Variants in GABRG3 observed in about 807,000 individuals in gnomAD.
GABRG3 encodes gamma-aminobutyric acid receptor subunit gamma-3.
GABRG3 carries 25 observed loss-of-function variants against 48.8 expected under a neutral mutation model. The observed-to-expected ratio is 0.51, with a 90% CI of 0.37 to 0.72. The LOEUF is 0.72. GABRG3 is among the 30% of genes least tolerant of loss of function. The pLI is 0.00. For synonymous variants in GABRG3, 227 were observed against 217.6 expected (o/e 1.04, Z -0.38); for missense variants, 394 against 577.9 (o/e 0.68, Z 3.26).
At chr15:27,279,849 G>A (rs563480882) in intron 3 of GABRG3, among the ~76,000 whole-genome samples, 29 of 152,260 alleles carry the variant, frequency 1.9e-4, no homozygotes, top group African/African-American at 6.3e-4. Flanking sequence ...GATTAGAGCA[G>A]TGACATCTGA....
rs919706892 is a variant in GABRG3 at position 27,180,963 on chromosome 15, G to A, written c.271-145846G>A. Among the ~76,000 whole-genome samples the A allele has an allele frequency of 1.3e-5, 2 of 152,182 alleles. No individual in the cohort carries two copies. The highest frequency in any genetic ancestry group is 4.8e-5 in the African/African-American group (2 of 41,450). ...CTCGCTTTGGGTGTTACGTTCAGCTGCTGAATTGTGCTGACTTCTTAGGAG... is the reference window on the plus strand; with the variant it reads ...CTCGCTTTGGGTGTTACGTTCAGCTACTGAATTGTGCTGACTTCTTAGGAG... On this transcript the variant is annotated intron_variant, in intron 3 of 9. Coordinates refer to ENST00000615808, the MANE Select transcript of GABRG3 (RefSeq NM_033223.5). This position sits in a 1 kb window ranked among gnomAD's most constrained non-coding sequence, Gnocchi z 4.2.
chr15:26,982,797 A>G (rs1415450776), intron 2 of GABRG3, among the ~76,000 whole-genome samples: 1 of 152,218 alleles, frequency 6.6e-6, no homozygotes, highest in East Asian at 1.9e-4. Flanking sequence ...ATTTTTAACA[A>G]ACAACTAAAC....
intron 3 of GABRG3, among the ~76,000 whole-genome samples, chr15:27,030,112 C>T (rs1896057453): frequency 6.6e-6 from 1 of 152,090 alleles, no homozygotes; most frequent in Non-Finnish European, 1.5e-5. Flanking sequence ...CTAAAACAAT[C>T]AAAGAATACA....
intron 3 of GABRG3, among the ~76,000 whole-genome samples, chr15:27,089,133 G>A (rs1242734092): frequency 6.6e-6 from 1 of 152,198 alleles, no homozygotes; most frequent in African/African-American, 2.4e-5. Flanking sequence ...AGGAAGGACC[G>A]TGGAAGGACC....
chr15:27,126,787 G>T (rs1039421130), intron 3 of GABRG3, among the ~76,000 whole-genome samples: 1 of 152,184 alleles, frequency 6.6e-6, no homozygotes, highest in African/African-American at 2.4e-5. Context: ...TGATGGATTC[G>T]AGACAGGTGC....
At position 27,088,105 on chromosome 15, in the gene GABRG3, T is replaced by TTGTGTG. The variant is rs59358081; in HGVS notation, c.270+61301_270+61306dup. ...TGTGAGTGTGTGTGATGTGCCGTGG[T>TTGTGTG]TGTGTGTGTGTGTGTGTGTGTGCAC... On this transcript the variant is annotated intron_variant, in intron 3 of 9. Coordinates refer to ENST00000615808, the MANE Select transcript of GABRG3 (RefSeq NM_033223.5). Among the ~76,000 whole-genome samples the TTGTGTG allele has an allele frequency of 6.7e-3, 981 of 147,350 alleles. 10 individuals carry two copies. Among genetic ancestry groups the TTGTGTG allele is most frequent in the African/African-American group, 0.019 (744 of 39,770 alleles).
intron 3 of GABRG3, among the ~76,000 whole-genome samples, chr15:27,198,496 A>C (rs1440729825): frequency 2.0e-5 from 3 of 152,366 alleles, no homozygotes; most frequent in Admixed American, 6.5e-5. Flanking sequence ...TCAGGAAATA[A>C]TAGATGCTGG....
At chr15:27,015,948 A>G (rs904211758) in intron 2 of GABRG3, among the ~76,000 whole-genome samples, 1 of 152,138 alleles carries the variant, frequency 6.6e-6, no homozygotes, top group East Asian at 1.9e-4. Flanking sequence ...AAGTCTTGAC[A>G]TGTCTTTAAG....
Position 26,971,451 on chromosome 15 carries a change from G to GAGGGCCGGCGGAGACC in GABRG3, c.-81_-66dup. On this transcript the variant is annotated 5_prime_UTR_variant, in exon 1 of 10. Coordinates refer to ENST00000615808, the MANE Select transcript of GABRG3 (RefSeq NM_033223.5). ...CAGCCTCGGAGGAAGCCAGGGCAAA[G>GAGGGCCGGCGGAGACC]AGGGCCGGCGGAGACCAGGTCCGCG... 8.5e-7 allele frequency: 1 copy of GAGGGCCGGCGGAGACC among 1,175,784 alleles called. No homozygotes were observed. The highest frequency in any genetic ancestry group is 1.1e-6 in the Non-Finnish European group (1 of 878,852). The allele number at this position is 1,175,784 out of a possible 1,614,324, so 72.8% of individuals were successfully genotyped here.
At chr15:27,081,254 G>A (rs1896988432) in intron 3 of GABRG3, among the ~76,000 whole-genome samples, 2 of 152,128 alleles carry the variant, frequency 1.3e-5, no homozygotes. Flanking sequence ...AGGCTACAAG[G>A]ATGCTAGATA....
At chr15:27,481,416 G>C in intron 6 of GABRG3, 1 of 317,612 alleles carries the variant, frequency 3.1e-6, no homozygotes, top group Non-Finnish European at 4.6e-6. Context: ...ATTATTCCTA[G>C]GGTCCACTAT....
At chr15:27,463,633 C>G (rs1286008826) in intron 5 of GABRG3, among the ~76,000 whole-genome samples, 2 of 152,174 alleles carry the variant, frequency 1.3e-5, no homozygotes, top group Non-Finnish European at 1.5e-5. Context: ...GCCTCCCTAG[C>G]ACCTTCTTCT....
intron 3 of GABRG3, among the ~76,000 whole-genome samples, chr15:27,088,922 G>A (rs1897136295): frequency 6.6e-6 from 1 of 152,130 alleles, no homozygotes; most frequent in Non-Finnish European, 1.5e-5. Context: ...TCACAGCCTT[G>A]GCTGGGAAGG....
At chr15:27,369,044 TCC>T (rs1158671117) in intron 5 of GABRG3, among the ~76,000 whole-genome samples, 15 of 152,234 alleles carry the variant, frequency 9.9e-5, no homozygotes, top group African/African-American at 3.6e-4. Flanking sequence ...ATGTTCACCA[TCC>T]TCTCTGGCAT....
intron 5 of GABRG3, among the ~76,000 whole-genome samples, chr15:27,346,380 A>C (rs548129020): frequency 1.3e-5 from 2 of 152,292 alleles, no homozygotes; most frequent in Admixed American, 1.3e-4. Flanking sequence ...TGCAGTGTGA[A>C]TATGGTATGA....
chr15:27,500,988 T>C (rs552706731), intron 6 of GABRG3, among the ~76,000 whole-genome samples: 67 of 144,180 alleles, frequency 4.6e-4, no homozygotes, highest in African/African-American at 1.7e-3. Flanking sequence ...AGTCTCACTC[T>C]GTCCCCAGGC....
At chr15:27,346,392 C>G (rs1894376565) in intron 5 of GABRG3, among the ~76,000 whole-genome samples, 1 of 152,130 alleles carries the variant, frequency 6.6e-6, no homozygotes, top group South Asian at 2.1e-4. Context: ...ATGGTATGAC[C>G]AAGTGATCTT....
At chr15:27,001,578 C>G (rs112679648) in intron 2 of GABRG3, among the ~76,000 whole-genome samples, 4 of 152,312 alleles carry the variant, frequency 2.6e-5, no homozygotes, top group East Asian at 1.9e-4. Flanking sequence ...AGCAGGAGGA[C>G]TTACTTGCTT....
intron 3 of GABRG3, among the ~76,000 whole-genome samples, chr15:27,209,900 T>G (rs898943223): frequency 6.6e-6 from 1 of 152,202 alleles, no homozygotes; most frequent in Non-Finnish European, 1.5e-5. Context: ...TCACACGGTC[T>G]TTCCTCTGCA....
Sources: gnomAD v4.1 joint callset for allele counts (sites outside exome capture counted in the v4.1 genomes callset) on GRCh38, gnomAD v4.1.1 for gene constraint, Gnocchi (gnomAD v3.1) non-coding constraint, MANE v1.5 for transcripts, NCBI Gene and HGNC (gene_info 2026-07-23, HGNC 2026-07-21) for gene names.